Variants in GLIS3 observed in about 807,000 individuals in gnomAD.
GLIS3 encodes zinc finger protein GLIS3.
In GLIS3, 53 loss-of-function variants were observed where a neutral mutation model predicts 78.6. That is an observed-to-expected ratio of 0.67 (90% CI 0.54 to 0.85). GLIS3 has a LOEUF of 0.85. Among genes scored for constraint, GLIS3 ranks in the 40% least tolerant of loss-of-function variants. GLIS3 has a pLI of 0.00. For missense variants in GLIS3, 1,703 were observed against 1,231.1 expected (o/e 1.38, Z -5.74); for synonymous variants, 684 against 509.9 (o/e 1.34, Z -4.60).
the GLIS3 span, among the ~76,000 whole-genome samples, chr9:4,477,527 C>A: frequency 1.4e-3 from 216 of 152,108 alleles, 1 homozygote; most frequent in African/African-American, 4.9e-3. Flanking sequence ...TGATCCTCCC[C>A]CCTCGGTCTC....
chr9:4,402,239 A>C, the GLIS3 span, among the ~76,000 whole-genome samples: 24 of 152,354 alleles, frequency 1.6e-4, no homozygotes, highest in African/African-American at 5.0e-4. Flanking sequence ...AAATTCTTCC[A>C]AATCTCATCC....
At chr9:4,250,577 TA>T (rs75358340) in intron 2 of GLIS3, among the ~76,000 whole-genome samples, 30,620 of 152,112 alleles carry the variant, frequency 0.2, 3,689 homozygotes, top group Non-Finnish European at 0.28. Flanking sequence ...CCGTATTCAT[TA>T]ATTTTTTGAA....
At chr9:4,434,834 G>C in the GLIS3 span, among the ~76,000 whole-genome samples, 20 of 152,320 alleles carry the variant, frequency 1.3e-4, 1 homozygote, top group Admixed American at 9.1e-4. Flanking sequence ...TTTTAAGCAA[G>C]TGGGATGCTG....
intron 4 of GLIS3, among the ~76,000 whole-genome samples, chr9:4,078,910 C>G (rs1828310910): frequency 6.6e-6 from 1 of 152,166 alleles, no homozygotes; most frequent in Non-Finnish European, 1.5e-5. Flanking sequence ...GTCCCCCGCC[C>G]CACCCCACAA....
chr9:4,192,426 C>A (rs1284034185), intron 2 of GLIS3, among the ~76,000 whole-genome samples: 1 of 152,140 alleles, frequency 6.6e-6, no homozygotes, highest in African/African-American at 2.4e-5. Context: ...TTTATAACAT[C>A]TTTATATGGG....
Position 3,879,412 on chromosome 9 carries a change from G to C in GLIS3, c.2297+15C>G. ...GCGGCGACACCTATTAGGAGAGAGA[G>C]ACAGATGGCCTTACCTCTCAGCTCC... is the stretch of plus-strand genomic sequence containing the variant. On this transcript the variant is annotated intron_variant, in intron 8 of 10. Transcript: ENST00000381971. 6.2e-7 allele frequency: 1 copy of C among 1,613,554 alleles called. No homozygotes were observed. Among genetic ancestry groups the C allele is most frequent in the South Asian group, 1.1e-5 (1 of 91,044 alleles).
At chr9:4,216,653 T>G (rs1017135737) in intron 2 of GLIS3, among the ~76,000 whole-genome samples, 1 of 152,116 alleles carries the variant, frequency 6.6e-6, no homozygotes, top group Admixed American at 6.5e-5. Context: ...CCTAGTTGCT[T>G]CTTGTTTTAA....
intron 4 of GLIS3, among the ~76,000 whole-genome samples, chr9:4,068,283 A>G (rs982359244): frequency 2.0e-5 from 3 of 151,852 alleles, no homozygotes; most frequent in Admixed American, 6.6e-5. Flanking sequence ...TCAGCGCAAG[A>G]AAGTTATAGA....
At chr9:4,454,680 C>T in the GLIS3 span, among the ~76,000 whole-genome samples, 673 of 152,310 alleles carry the variant, frequency 4.4e-3, 5 homozygotes, top group Non-Finnish European at 7.9e-3. Context: ...CTACTCTCCT[C>T]TATTGCAGGG....
At chr9:4,426,124 G>A in the GLIS3 span, among the ~76,000 whole-genome samples, 1 of 152,160 alleles carries the variant, frequency 6.6e-6, no homozygotes, top group Admixed American at 6.5e-5. Flanking sequence ...AGAGCCCCCA[G>A]GTTAAGAAGC....
At chr9:3,876,470 A>G (rs2130434717) in intron 8 of GLIS3, among the ~76,000 whole-genome samples, 1 of 151,022 alleles carries the variant, frequency 6.6e-6, no homozygotes, top group South Asian at 2.1e-4. Flanking sequence ...TATTATATCA[A>G]TGTTAAATTT....
At chr9:4,489,915 C>T in the GLIS3 span, among the ~76,000 whole-genome samples, 1 of 152,232 alleles carries the variant, frequency 6.6e-6, no homozygotes, top group African/African-American at 2.4e-5. Flanking sequence ...ACTGGAGGCT[C>T]CGCGTGAAAG....
intron 4 of GLIS3, among the ~76,000 whole-genome samples, chr9:3,937,459 G>A (rs1825961172): frequency 6.6e-6 from 1 of 152,122 alleles, no homozygotes; most frequent in African/African-American, 2.4e-5. Context: ...AATTCACCGT[G>A]AGCCATCTGG....
intron 1 of GLIS3, among the ~76,000 whole-genome samples, chr9:4,296,246 T>C (rs1816493540): frequency 7.1e-6 from 1 of 139,906 alleles, no homozygotes; most frequent in African/African-American, 2.7e-5. Context: ...GTGGAAAGAA[T>C]GAATGTCCTC....
At chr9:4,236,184 C>CAAAAAAAAAAAAAAAAAAA (rs59839951) in intron 2 of GLIS3, among the ~76,000 whole-genome samples, 15 of 84,278 alleles carry the variant, frequency 1.8e-4, no homozygotes, top group East Asian at 4.1e-4. Flanking sequence ...GTGGTTGTCA[C>CAAAAAAAAAAAAAAAAAAA]AAAAAAAAAA....
the GLIS3 span, among the ~76,000 whole-genome samples, chr9:4,396,511 TCTGGA>T: frequency 6.6e-6 from 1 of 152,214 alleles, no homozygotes; most frequent in Admixed American, 6.5e-5. Context: ...ACAATGTAAC[TCTGGA>T]CTGATTACTT....
intron 8 of GLIS3, among the ~76,000 whole-genome samples, chr9:3,870,320 C>T (rs1368930711): frequency 6.6e-6 from 1 of 152,090 alleles, no homozygotes; most frequent in African/African-American, 2.4e-5. Context: ...CATACAAATA[C>T]ATGGAAATTA....
At chr9:3,840,869 C>G (rs555615774) in intron 9 of GLIS3, among the ~76,000 whole-genome samples, 7 of 152,300 alleles carry the variant, frequency 4.6e-5, no homozygotes, top group African/African-American at 1.2e-4. Context: ...CTCACAGCAC[C>G]TCATCTGGTC....
intron 2 of GLIS3, among the ~76,000 whole-genome samples, chr9:4,273,071 G>A (rs888396284): frequency 3.9e-5 from 6 of 152,070 alleles, no homozygotes; most frequent in African/African-American, 1.4e-4. Context: ...GAGCTTTTAC[G>A]GTTCTAAATC....
Sources: allele counts gnomAD v4.1 joint callset (sites outside exome capture counted in the v4.1 genomes callset), GRCh38; gene constraint gnomAD v4.1.1; transcripts MANE v1.5; gene names NCBI Gene and HGNC (gene_info 2026-07-23, HGNC 2026-07-21).